TMEM65: variants seen among roughly 807,000 people sequenced by gnomAD.
The protein encoded by TMEM65 is transmembrane protein 65.
Under a neutral mutation model 25.4 loss-of-function variants are expected in TMEM65, and 22 were observed. The ratio of observed to expected loss-of-function variants is 0.86; its 90% CI spans 0.62 to 1.23. The LOEUF (loss-of-function observed/expected upper bound fraction) is 1.23. Among genes scored for constraint, TMEM65 ranks in the 50% most tolerant of loss-of-function variants. The probability of loss-of-function intolerance (pLI) is 0.00; values close to 1 mark genes in which losing one functional copy is unlikely to be tolerated. For missense variants in TMEM65, 262 were observed against 308.2 expected, an observed-to-expected ratio of 0.85 and a Z score of 1.12; for synonymous variants, 132 against 126.2, an observed-to-expected ratio of 1.05 and a Z score of -0.31.
intron 2 of TMEM65, among the ~76,000 whole-genome samples, chr8:124,327,787 C>T (rs990381565): frequency 3.5e-4 from 21 of 59,766 alleles, no homozygotes; most frequent in Admixed American, 2.2e-3. Context: ...TGACATTAAT[C>T]TCTTTTTCTA....
intron 1 of TMEM65, among the ~76,000 whole-genome samples, chr8:124,339,210 AAAAAAAAAAAAAATATATAT>A (rs1814552330): frequency 7.0e-5 from 3 of 42,662 alleles, no homozygotes; most frequent in African/African-American, 2.6e-4. Context: ...AAAAAAAAAA[AAAAAAAAAAAAAATATATAT>A]ATATATATAT....
rs1814581439 is a variant in TMEM65, at chr8:124,341,325, TA to T, written c.305-10534del. ...GTAGGTTTGCAAAGGACGAATCTTGTAAAAAGAATTTTATGTGTGACAAAGC... is the reference window on the plus strand; with the variant it reads ...GTAGGTTTGCAAAGGACGAATCTTGTAAAAGAATTTTATGTGTGACAAAGC... On this transcript the variant is annotated intron_variant, in intron 1 of 6. Transcript: ENST00000297632. Among the ~76,000 whole-genome samples, 11 of 152,150 alleles carry T rather than the reference TA, an allele frequency of 7.2e-5. No homozygotes were observed. In the South Asian group the frequency reaches 2.3e-3, roughly 32 times the overall value.
chr8:124,338,461 T>C (rs1436533439), intron 1 of TMEM65, among the ~76,000 whole-genome samples: 3 of 152,092 alleles, frequency 2.0e-5, no homozygotes, highest in Admixed American at 1.3e-4. Context: ...AGACAAAGTA[T>C]GTCAAGTTAC....
chr8:124,316,599 G>A (rs1052759535), intron 6 of TMEM65, among the ~76,000 whole-genome samples: 10 of 151,950 alleles, frequency 6.6e-5, no homozygotes, highest in African/African-American at 2.2e-4. Flanking sequence ...CAATACACAC[G>A]CAGACACACA....
chr8:124,329,760 G>T (rs1056579511), intron 2 of TMEM65, among the ~76,000 whole-genome samples: 1 of 151,878 alleles, frequency 6.6e-6, no homozygotes, highest in African/African-American at 2.4e-5. Flanking sequence ...CAGCCCTAAA[G>T]GGGTTTAGGT....
chr8:124,365,115 A>T (rs982266480), intron 1 of TMEM65, among the ~76,000 whole-genome samples: 1 of 152,168 alleles, frequency 6.6e-6, no homozygotes, highest in African/African-American at 2.4e-5. Context: ...ATATTACTTC[A>T]ATTTTCCTAT....
At chr8:124,321,959 G>T in intron 5 of TMEM65, 146 bp downstream of exon 5, 1 of 677,878 alleles carries the variant, frequency 1.5e-6, no homozygotes, top group Admixed American at 2.7e-5. Context: ...AGTACTATTA[G>T]TTTAGAAAAA....
chr8:124,371,736 G>A lies in TMEM65; in HGVS notation c.304+118C>T, dbSNP rs934816395. The A allele has an allele frequency of 2.7e-4, 276 of 1,023,244 alleles. 1 individual carries two copies. The highest frequency in any genetic ancestry group is 5.3e-4 in the South Asian group (29 of 55,134). The allele number at this position is 1,023,244 out of a possible 1,614,324, so 63.4% of individuals were successfully genotyped here. A position where few individuals can be genotyped will look rare whatever the true frequency, so the allele number is the denominator to read the frequency against. ...GCGTGGGGCCAGACAGGCGAGGGGG[G>A]CGGAAGGGGGGCGGCGGCGGGGGTC... On this transcript the variant is annotated intron_variant, in intron 1 of 6. Coordinates refer to ENST00000297632, the MANE Select transcript of TMEM65 (RefSeq NM_194291.3).
rs545829247 is a variant in TMEM65 at position 124,359,171 on chromosome 8, G to A, written c.304+12683C>T. Among the ~76,000 whole-genome samples, 8 of 152,092 alleles carry A rather than the reference G, an allele frequency of 5.3e-5. No homozygotes were observed. The South Asian group carries it at 8.3e-4, about 16-fold the overall frequency. ...TTGTTTCTTTTTCTTTCACCCTTAC[G>A]TAGGGAAAAATCACTGTTTAAATTG... On this transcript the variant is annotated intron_variant, in intron 1 of 6. Coordinates refer to ENST00000297632, the MANE Select transcript of TMEM65 (RefSeq NM_194291.3).
rs1023524627 is a variant in TMEM65 at position 124,350,449 on chromosome 8, ACT to A, written c.305-19659_305-19658del. Among the ~76,000 whole-genome samples the A allele has an allele frequency of 9.5e-5, 13 of 137,010 alleles. No homozygotes were observed. The South Asian group carries it at 2.0e-3, about 21-fold the overall frequency. The allele number at this position is 137,010 out of a possible 152,430, so 89.9% of individuals were successfully genotyped here. A position where few individuals can be genotyped will look rare whatever the true frequency, so the allele number is the denominator to read the frequency against. ...TCCCTCTTTCATAACATACCCCTAC[ACT>A]CTCTCTCTTTCCCTCTCTCTCTCTC... is the stretch of plus-strand genomic sequence containing the variant. On this transcript the variant is annotated intron_variant, in intron 1 of 6. Coordinates refer to ENST00000297632, the MANE Select transcript of TMEM65 (RefSeq NM_194291.3).
In TMEM65 at chr8:124,307,673, G is replaced by C. The variant is rs1563586223; in HGVS notation, c.*6287C>G. 1 of 152,142 alleles carries C rather than the reference G, an allele frequency of 6.6e-6. No homozygotes were observed. The highest frequency in any genetic ancestry group is 6.5e-5 in the Admixed American group (1 of 15,276). 9.4% of individuals were successfully genotyped at this position (152,142 alleles called of 1,614,324 possible). Reference sequence around the variant, plus strand: ...AAGGAAGGTGAAGGATCTAAATCTAGAGAATTTAATGCCAGCAAAGGATGG... The same window carrying C: ...AAGGAAGGTGAAGGATCTAAATCTACAGAATTTAATGCCAGCAAAGGATGG... On this transcript the variant is annotated 3_prime_UTR_variant, in exon 7 of 7. Coordinates refer to ENST00000297632, the MANE Select transcript of TMEM65 (RefSeq NM_194291.3).
In TMEM65 at chr8:124,309,612, A is replaced by C. The variant is rs1814131651; in HGVS notation, c.*4348T>G. The C allele has an allele frequency of 6.6e-6, 1 of 152,232 alleles. No individual in the cohort carries two copies. The highest frequency in any genetic ancestry group is 6.5e-5 in the Admixed American group (1 of 15,280). 9.4% of individuals were successfully genotyped at this position (152,232 alleles called of 1,614,324 possible). On this transcript the variant is annotated 3_prime_UTR_variant, in exon 7 of 7. Transcript: ENST00000297632. Reference sequence around the variant, plus strand: ...ACCTAGCATGATACTTTCTCTTCACAGAATATCTGTACTGTTTGTACCTTC... The same window carrying C: ...ACCTAGCATGATACTTTCTCTTCACCGAATATCTGTACTGTTTGTACCTTC...
intron 1 of TMEM65, among the ~76,000 whole-genome samples, chr8:124,351,619 T>C (rs73332193): frequency 0.021 from 3,212 of 152,280 alleles, 120 homozygotes; most frequent in African/African-American, 0.073. Flanking sequence ...GATGAGTTTA[T>C]AACATTTTAT....
intron 1 of TMEM65, among the ~76,000 whole-genome samples, chr8:124,344,255 C>T (rs1814617650): frequency 1.3e-5 from 2 of 152,180 alleles, no homozygotes; most frequent in Admixed American, 1.3e-4. Flanking sequence ...GGAAAATGAA[C>T]ATTGGTCTAT....
intron 3 of TMEM65, among the ~76,000 whole-genome samples, chr8:124,325,708 C>G (rs79538272): frequency 0.011 from 1,673 of 151,992 alleles, 27 homozygotes; most frequent in African/African-American, 0.036. Flanking sequence ...AACAATGAGG[C>G]ACAGACCTGG....
intron 1 of TMEM65, among the ~76,000 whole-genome samples, chr8:124,333,940 T>C (rs1020847738): frequency 1.3e-5 from 2 of 152,156 alleles, no homozygotes; most frequent in African/African-American, 4.8e-5. Context: ...CTGGAAAGGA[T>C]AGAGTCAGAA....
chr8:124,321,979 A>C, intron 5 of TMEM65, 126 bp downstream of exon 5: 1 of 790,034 alleles, frequency 1.3e-6, no homozygotes, highest in South Asian at 2.0e-5. Flanking sequence ...AGTAAATTTG[A>C]AATTTTAATT....
chr8:124,358,336 G>A (rs1563598889), intron 1 of TMEM65, among the ~76,000 whole-genome samples: 1 of 152,162 alleles, frequency 6.6e-6, no homozygotes, highest in Non-Finnish European at 1.5e-5. Flanking sequence ...TGAACATGGT[G>A]TTTTTAAATT....
intron 1 of TMEM65, among the ~76,000 whole-genome samples, chr8:124,345,401 T>C (rs1252984973): frequency 6.6e-6 from 1 of 152,220 alleles, no homozygotes; most frequent in East Asian, 1.9e-4. Flanking sequence ...CTGCTAACTT[T>C]AATTTTTCTA....
Sources: allele counts gnomAD v4.1 joint callset (sites outside exome capture counted in the v4.1 genomes callset), GRCh38; gene constraint gnomAD v4.1.1; transcripts MANE v1.5; gene names NCBI Gene and HGNC (gene_info 2026-07-23, HGNC 2026-07-21).